Variants in KIF26B observed in about 807,000 individuals in gnomAD.
KIF26B encodes kinesin-like protein KIF26B.
KIF26B carries 63 observed loss-of-function variants against 151.2 expected under a neutral mutation model. The ratio of observed to expected loss-of-function variants is 0.42; its 90% CI spans 0.34 to 0.51. KIF26B has a LOEUF of 0.51. Ranked by LOEUF, KIF26B falls within the 20% of genes least tolerant of loss-of-function variation. KIF26B has a pLI of 0.07. For synonymous variants in KIF26B, 1,357 were observed against 1,262.1 expected, an observed-to-expected ratio of 1.08 and a Z score of -1.59; for missense variants, 2,813 against 2,913.6, an observed-to-expected ratio of 0.97 and a Z score of 0.79.
chr1:245,346,673 C>T (rs924598404), intron 2 of KIF26B, among the ~76,000 whole-genome samples: 3 of 152,262 alleles, frequency 2.0e-5, no homozygotes, highest in South Asian at 4.1e-4. Context: ...CCCCCATTTC[C>T]GTAACTATAC....
chr1:245,252,587 C>A (rs1670464655), intron 2 of KIF26B, among the ~76,000 whole-genome samples: 1 of 152,010 alleles, frequency 6.6e-6, no homozygotes, highest in Admixed American at 6.6e-5. Context: ...CCTTGTGGAT[C>A]CTCTTGAATA....
At chr1:245,699,773 C>G (rs1022248530) in intron 14 of KIF26B, among the ~76,000 whole-genome samples, 3 of 152,220 alleles carry the variant, frequency 2.0e-5, no homozygotes, top group Admixed American at 1.3e-4. Flanking sequence ...CCCTTCCCAT[C>G]CAGCCCTCAG....
At chr1:245,441,007 A>C (rs1038000803) in intron 4 of KIF26B, among the ~76,000 whole-genome samples, 2 of 152,260 alleles carry the variant, frequency 1.3e-5, no homozygotes, top group Non-Finnish European at 2.9e-5. Context: ...GAGGCAAGAC[A>C]GGAAGGTATA....
At chr1:245,303,439 C>A (rs1380073488) in intron 2 of KIF26B, among the ~76,000 whole-genome samples, 1 of 151,928 alleles carries the variant, frequency 6.6e-6, no homozygotes, top group Non-Finnish European at 1.5e-5. Flanking sequence ...ACCTCGTGAT[C>A]CGCCCGCCTC....
At position 245,301,168 on chromosome 1, in the gene KIF26B, C is replaced by T. The variant is rs116779245; in HGVS notation, c.466-65666C>T. Among the ~76,000 whole-genome samples, 544 of 152,248 alleles carry T rather than the reference C, an allele frequency of 3.6e-3. 1 individual carries two copies. Among genetic ancestry groups the T allele is most frequent in the African/African-American group, 0.012 (515 of 41,554 alleles). Reference sequence around the variant, plus strand: ...AATTTAAACCTCATTGAAATGACAGCGGATGGCCATGGCTCTACTGTGGTT... The same window carrying T: ...AATTTAAACCTCATTGAAATGACAGTGGATGGCCATGGCTCTACTGTGGTT... On this transcript the variant is annotated intron_variant, in intron 2 of 14. Transcript: ENST00000407071.
rs1214317480 is a variant in KIF26B at position 245,685,548 on chromosome 1, C to T, written c.2565C>T (p.Ser855=). The change falls in exon 12 of 15, where the codon TCC becomes TCT. Residue 855 remains serine, a synonymous_variant. Coordinates refer to ENST00000407071, the MANE Select transcript of KIF26B (RefSeq NM_018012.4). ...IAHLSSDPDY[S]SSSEQSCDTV... The stretch of plus-strand genomic sequence containing the variant: ...ACCTGTCCAGCGACCCCGACTACTC[C>T]TCCAGCAGCGAGCAGTCCTGCGACA... The T allele has an allele frequency of 1.2e-6, 2 of 1,613,920 alleles. No individual in the cohort carries two copies. The highest frequency in any genetic ancestry group is 1.7e-5 in the Admixed American group (1 of 60,028).
chr1:245,548,232 A>T (rs1479297854), intron 5 of KIF26B, among the ~76,000 whole-genome samples: 1 of 151,892 alleles, frequency 6.6e-6, no homozygotes, highest in Non-Finnish European at 1.5e-5. Context: ...TCATCTTTGT[A>T]CCCTTTCAGT....
rs570564534 is a variant in KIF26B, at chr1:245,606,410, C to T, written c.1558-1241C>T. On this transcript the variant is annotated intron_variant, in intron 6 of 14. Transcript: ENST00000407071. The surrounding 1 kb of genome is among the most constrained non-coding windows in gnomAD (Gnocchi z 4.6). The stretch of plus-strand genomic sequence containing the variant: ...TTAGCACTGCCTCCCGGAGCTCCCA[C>T]GAGCCCTGACTCCGGCCCCGAGACA... Among the ~76,000 whole-genome samples the T allele has an allele frequency of 1.1e-4, 17 of 151,682 alleles. No homozygotes were observed. The highest frequency in any genetic ancestry group is 3.8e-4 in the African/African-American group (16 of 41,586).
At chr1:245,411,439 A>G (rs1069246) in intron 3 of KIF26B, among the ~76,000 whole-genome samples, 101,685 of 152,116 alleles carry the variant, frequency 0.67, 34,474 homozygotes, top group African/African-American at 0.71. Context: ...AAGCCGTCCC[A>G]GGTTAGGAGG....
chr1:245,533,008 G>A (rs6677480), intron 4 of KIF26B, among the ~76,000 whole-genome samples: 76,447 of 152,050 alleles, frequency 0.5, 20,479 homozygotes, highest in African/African-American at 0.64. Flanking sequence ...CTGTGTCTGG[G>A]AGCTCTGCCT....
chr1:245,343,363 CTT>C (rs541859841), intron 2 of KIF26B, among the ~76,000 whole-genome samples: 25 of 146,552 alleles, frequency 1.7e-4, no homozygotes, highest in Admixed American at 9.5e-4. Context: ...TCCATGCAAT[CTT>C]TTTTTTTTTT....
At position 245,687,918 on chromosome 1, in the gene KIF26B, G is replaced by A. The variant is rs201949312; in HGVS notation, c.4935G>A (p.Thr1645=). The change falls in exon 12 of 15, where the codon ACG becomes ACA. Residue 1645 remains threonine, a synonymous_variant. Transcript: ENST00000407071. This position sits in a 1 kb window ranked among gnomAD's most constrained non-coding sequence, Gnocchi z 4.9. ...AGLPDEPSGK[T]KDASSSSKLF... is the part of the protein sequence containing the mutation. ...TCCCAGACGAGCCTAGCGGCAAGAC[G>A]AAGGACGCCAGCAGCAGCAGCAAGC... The A allele has an allele frequency of 1.9e-6, 3 of 1,593,842 alleles. No individual in the cohort carries two copies. The highest frequency in any genetic ancestry group is 1.7e-5 in the Admixed American group (1 of 57,580).
rs772823055 is a variant in KIF26B at position 245,167,925 on chromosome 1, C to T, written c.465+11242C>T. On this transcript the variant is annotated intron_variant, in intron 2 of 14. Transcript: ENST00000407071. The surrounding 1 kb of genome is among the most constrained non-coding windows in gnomAD (Gnocchi z 4.2). The stretch of plus-strand genomic sequence containing the variant: ...AGGAAACAAAGAAATGGGTGGTATA[C>T]GCATCCAAGGTTGTCTACAATCCCA... 4.6e-5 allele frequency among the ~76,000 whole-genome samples: 7 copies of T among 152,078 alleles called. No homozygotes were observed. The highest frequency in any genetic ancestry group is 1.4e-4 in the African/African-American group (6 of 41,386).
intron 5 of KIF26B, among the ~76,000 whole-genome samples, chr1:245,552,647 C>T (rs1214594170): frequency 6.8e-6 from 1 of 146,490 alleles, no homozygotes; most frequent in East Asian, 2.0e-4. Context: ...CAGTCTCACT[C>T]TGTCGCCCAG....
intron 9 of KIF26B, among the ~76,000 whole-genome samples, chr1:245,630,580 CA>C (rs1558243795): frequency 2.0e-5 from 3 of 152,024 alleles, no homozygotes; most frequent in Non-Finnish European, 4.4e-5. Context: ...CAGGGCCTGT[CA>C]GGGGGTTGAG....
Position 245,620,886 on chromosome 1 carries a change from G to A in KIF26B, c.2098+8910G>A, listed in dbSNP as rs1252967868. On this transcript the variant is annotated intron_variant, in intron 9 of 14. Coordinates refer to ENST00000407071, the MANE Select transcript of KIF26B (RefSeq NM_018012.4). ...CTGACCTATTAAGAACTATGCAGCT[G>A]ATTCTTTTTGGAGCAAAAGTGCACA... Among the ~76,000 whole-genome samples the A allele has an allele frequency of 2.6e-5, 4 of 152,310 alleles. No individual in the cohort carries two copies. The East Asian group carries it at 7.7e-4, about 29-fold the overall frequency.
rs200275108 is a variant in KIF26B at position 245,453,533 on chromosome 1, G to A, written c.1166+33788G>A. ...CCTGGGGTAAAGGCTCCTAATTTGA[G>A]TGTGTTTCTGTCTATGTCTTCTTGC... On this transcript the variant is annotated intron_variant, in intron 4 of 14. Transcript: ENST00000407071. Among the ~76,000 whole-genome samples, 23 of 152,272 alleles carry A rather than the reference G, an allele frequency of 1.5e-4. No individual in the cohort carries two copies. In the East Asian group the frequency reaches 1.7e-3, roughly 11 times the overall value.
At chr1:245,335,020 G>A (rs1672193506) in intron 2 of KIF26B, among the ~76,000 whole-genome samples, 2 of 152,188 alleles carry the variant, frequency 1.3e-5, no homozygotes, top group Non-Finnish European at 2.9e-5. Context: ...CGCTGGGGCT[G>A]TGATTTCAGT....
intron 2 of KIF26B, among the ~76,000 whole-genome samples, chr1:245,336,136 A>G (rs1333001777): frequency 6.8e-6 from 1 of 146,648 alleles, no homozygotes; most frequent in African/African-American, 2.5e-5. Flanking sequence ...AGTCCCACGC[A>G]GGGAGAGTCC....
Sources: allele counts gnomAD v4.1 joint callset (sites outside exome capture counted in the v4.1 genomes callset), GRCh38; gene constraint gnomAD v4.1.1; non-coding constraint Gnocchi (gnomAD v3.1); transcripts MANE v1.5; gene names NCBI Gene and HGNC (gene_info 2026-07-23, HGNC 2026-07-21).